Variants in RPS6KC1 observed in about 807,000 individuals in gnomAD.
The protein encoded by RPS6KC1 is ribosomal protein S6 kinase C1.
A neutral mutation model predicts 103.8 loss-of-function variants in RPS6KC1; 54 were observed. The ratio of observed to expected loss-of-function variants is 0.52; its 90% CI spans 0.42 to 0.65. The LOEUF is 0.65. Ranked by LOEUF, RPS6KC1 falls within the 30% of genes least tolerant of loss-of-function variation. The pLI is 0.00. For missense variants in RPS6KC1, 1,151 were observed against 1,253.8 expected (o/e 0.92, Z 1.24); for synonymous variants, 439 against 438.7 (o/e 1.00, Z -0.01).
the RPS6KC1 span, among the ~76,000 whole-genome samples, chr1:213,631,854 G>A: frequency 3.3e-5 from 5 of 152,080 alleles, no homozygotes; most frequent in Non-Finnish European, 5.9e-5. Context: ...AGTAAAATTA[G>A]CTGTTTTCTT....
chr1:213,390,574 C>G, the RPS6KC1 span, among the ~76,000 whole-genome samples: 3 of 152,180 alleles, frequency 2.0e-5, no homozygotes, highest in African/African-American at 7.2e-5. Context: ...CATTTCTCTG[C>G]TTGTAACGGC....
the RPS6KC1 span, among the ~76,000 whole-genome samples, chr1:213,301,698 C>CTTACTTATTTAT: frequency 4.5e-4 from 63 of 141,254 alleles, no homozygotes; most frequent in African/African-American, 1.4e-3. Context: ...GACCCATTTA[C>CTTACTTATTTAT]TTATTTATTT....
At chr1:213,453,587 C>G in the RPS6KC1 span, among the ~76,000 whole-genome samples, 1 of 152,048 alleles carries the variant, frequency 6.6e-6, no homozygotes, top group Non-Finnish European at 1.5e-5. Flanking sequence ...AGCCAGAGAC[C>G]GTGAAAAGCA....
the RPS6KC1 span, chr1:213,820,672 A>G: frequency 6.6e-6 from 1 of 152,128 alleles, no homozygotes; most frequent in East Asian, 1.9e-4. Flanking sequence ...TCTTGGGTAT[A>G]TTTCGACATC....
At chr1:213,765,361 C>G in the RPS6KC1 span, among the ~76,000 whole-genome samples, 2 of 152,200 alleles carry the variant, frequency 1.3e-5, no homozygotes, top group African/African-American at 4.8e-5. Flanking sequence ...TCTAAGTTCC[C>G]TTTAACTCAC....
chr1:213,626,927 A>G, the RPS6KC1 span, among the ~76,000 whole-genome samples: 3 of 152,196 alleles, frequency 2.0e-5, no homozygotes, highest in Non-Finnish European at 2.9e-5. Context: ...TTGGTTCCAT[A>G]TGAACTTTAA....
chr1:213,770,834 CCAGAAAATG>C, the RPS6KC1 span, among the ~76,000 whole-genome samples: 1 of 152,178 alleles, frequency 6.6e-6, no homozygotes, highest in Non-Finnish European at 1.5e-5. Context: ...AATAGGAAGT[CCAGAAAATG>C]AAGAAAATAC....
chr1:213,833,765 C>T, the RPS6KC1 span, among the ~76,000 whole-genome samples: 5 of 152,302 alleles, frequency 3.3e-5, no homozygotes, highest in Admixed American at 6.5e-5. Flanking sequence ...ATGCATGTAG[C>T]GGGCTGGGCT....
At chr1:213,673,348 T>C in the RPS6KC1 span, among the ~76,000 whole-genome samples, 4 of 152,344 alleles carry the variant, frequency 2.6e-5, no homozygotes, top group South Asian at 8.3e-4. Context: ...TCCAAGGAAC[T>C]GCCTAGACTT....
the RPS6KC1 span, among the ~76,000 whole-genome samples, chr1:213,603,810 A>T: frequency 2.6e-5 from 4 of 152,016 alleles, no homozygotes; most frequent in African/African-American, 9.7e-5. Context: ...CAGTGAACTG[A>T]GATTGCCCCA....
At chr1:213,293,326 TATA>T in the RPS6KC1 span, among the ~76,000 whole-genome samples, 4 of 152,200 alleles carry the variant, frequency 2.6e-5, no homozygotes, top group African/African-American at 9.7e-5. Flanking sequence ...ATATATAACC[TATA>T]ATAATGACAA....
chr1:213,078,330 CCT>C (rs2079540367), intron 3 of RPS6KC1, among the ~76,000 whole-genome samples: 2 of 151,444 alleles, frequency 1.3e-5, no homozygotes, highest in Non-Finnish European at 2.9e-5. Flanking sequence ...GTTTCTGTCC[CCT>C]GTCTGGATTT....
intron 6 of RPS6KC1, among the ~76,000 whole-genome samples, chr1:213,159,058 C>T (rs1477193445): frequency 6.6e-6 from 1 of 151,958 alleles, no homozygotes; most frequent in Non-Finnish European, 1.5e-5. Context: ...TTTGCTTCTT[C>T]ATTTGTCATT....
At chr1:213,416,222 A>G in the RPS6KC1 span, among the ~76,000 whole-genome samples, 2 of 152,232 alleles carry the variant, frequency 1.3e-5, no homozygotes, top group South Asian at 4.1e-4. Flanking sequence ...ATGTGCTCCC[A>G]TGGGGGCAAA....
the RPS6KC1 span, among the ~76,000 whole-genome samples, chr1:213,631,912 T>G: frequency 3.3e-5 from 5 of 152,204 alleles, no homozygotes. Context: ...GTTGGGACTC[T>G]CTCTCCCCTT....
chr1:213,827,878 A>AT, the RPS6KC1 span, among the ~76,000 whole-genome samples: 1 of 152,050 alleles, frequency 6.6e-6, no homozygotes, highest in Non-Finnish European at 1.5e-5. Context: ...AATAATCTTA[A>AT]TCAATATTTT....
intron 12 of RPS6KC1, among the ~76,000 whole-genome samples, chr1:213,261,048 A>C (rs183073781): frequency 3.3e-5 from 5 of 152,354 alleles, no homozygotes; most frequent in Non-Finnish European, 7.3e-5. Context: ...GAAAGGGAAG[A>C]TGATACTATA....
At chr1:213,705,406 ACCAGC>A in the RPS6KC1 span, among the ~76,000 whole-genome samples, 8 of 152,170 alleles carry the variant, frequency 5.3e-5, no homozygotes, top group African/African-American at 1.9e-4. Context: ...CATCACCACC[ACCAGC>A]CTTTGAAGAG....
chr1:213,380,330 T>C, the RPS6KC1 span, among the ~76,000 whole-genome samples: 1 of 151,960 alleles, frequency 6.6e-6, no homozygotes, highest in Non-Finnish European at 1.5e-5. Flanking sequence ...TACTGGAGAA[T>C]GGAGGGCGGG....
Sources: allele counts gnomAD v4.1 joint callset (sites outside exome capture counted in the v4.1 genomes callset), GRCh38; gene constraint gnomAD v4.1.1; transcripts MANE v1.5; gene names NCBI Gene and HGNC (gene_info 2026-07-23, HGNC 2026-07-21).